The following LRRC4C variants were observed in gnomAD, a reference collection of about 807,000 sequenced individuals.
LRRC4C encodes leucine rich repeat containing 4C.
Under a neutral mutation model 33.6 loss-of-function variants are expected in LRRC4C, and 5 were observed. The ratio of observed to expected loss-of-function variants is 0.15; its 90% CI spans 0.08 to 0.31. The LOEUF is 0.31. Among genes scored for constraint, LRRC4C ranks in the 10% least tolerant of loss-of-function variants. The pLI, the probability that LRRC4C is intolerant of heterozygous loss-of-function variation, is 1.00. For synonymous variants in LRRC4C, 329 were observed against 302.0 expected (o/e 1.09, Z -0.93); for missense variants, 560 against 796.7 (o/e 0.70, Z 3.58).
At chr11:40,870,139 A>G (rs2135931470) in intron 2 of LRRC4C, among the ~76,000 whole-genome samples, 1 of 152,348 alleles carries the variant, frequency 6.6e-6, no homozygotes, top group Middle Eastern at 3.4e-3. Context: ...CCAAATAAAA[A>G]GAAAACAACA....
At chr11:40,634,459 C>A (rs913275659) in intron 3 of LRRC4C, among the ~76,000 whole-genome samples, 1 of 152,066 alleles carries the variant, frequency 6.6e-6, no homozygotes, top group African/African-American at 2.4e-5. Context: ...TGAAAAACTA[C>A]CAGAATCAAA....
intron 3 of LRRC4C, among the ~76,000 whole-genome samples, chr11:40,405,123 T>TCTCTA (rs1181478162): frequency 6.6e-6 from 1 of 151,790 alleles, no homozygotes; most frequent in Non-Finnish European, 1.5e-5. Context: ...TGTTGTATTC[T>TCTCTA]CTCTACATAT....
chr11:40,933,241 C>A (rs1476825845), intron 2 of LRRC4C, among the ~76,000 whole-genome samples: 2 of 152,168 alleles, frequency 1.3e-5, no homozygotes, highest in Admixed American at 1.3e-4. Context: ...AGAAGCAGAG[C>A]AGTTACAAGA....
In LRRC4C at chr11:40,115,413, C is replaced by T; in HGVS notation, c.880G>A (p.Glu294Lys). The T allele has an allele frequency of 1.2e-6, 2 of 1,614,192 alleles. No individual in the cohort carries two copies. The highest frequency in any genetic ancestry group is 2.2e-5 in the East Asian group (1 of 44,870). ...GGGTTGTGATGTAAATGTATCCGCT[C>T]TAGATGATGCAAGGGAGTGAAGAGG... ...HDLFTPLHHLERIHLHHNPWN... is the reference protein window; with the variant it reads ...HDLFTPLHHLKRIHLHHNPWN... The change falls in exon 7 of 7, where the codon GAG (glutamate) becomes AAG (lysine). Residue 294 changes from glutamate to lysine, a missense_variant. Glu to Lys is a moderately conservative substitution (Grantham distance 56). Transcript: ENST00000528697. This position sits in a 1 kb window ranked among gnomAD's most constrained non-coding sequence, Gnocchi z 6.7.
chr11:41,225,624 C>T (rs902171590), intron 1 of LRRC4C, among the ~76,000 whole-genome samples: 10 of 151,694 alleles, frequency 6.6e-5, no homozygotes, highest in African/African-American at 2.4e-4. Flanking sequence ...CATAGTAAGA[C>T]CCTGTCTTTA....
chr11:41,178,077 C>T (rs1017422691), intron 1 of LRRC4C, among the ~76,000 whole-genome samples: 5 of 152,102 alleles, frequency 3.3e-5, no homozygotes, highest in African/African-American at 1.2e-4. Flanking sequence ...GTCTCCCAAG[C>T]CCATTACATC....
At chr11:41,149,333 C>T (rs1019608882) in intron 1 of LRRC4C, among the ~76,000 whole-genome samples, 1 of 151,736 alleles carries the variant, frequency 6.6e-6, no homozygotes, top group Non-Finnish European at 1.5e-5. Flanking sequence ...CGGTGAAACC[C>T]CGTCTCTACT....
intron 2 of LRRC4C, among the ~76,000 whole-genome samples, chr11:40,801,688 A>G (rs1951048802): frequency 6.6e-6 from 1 of 152,174 alleles, no homozygotes. Context: ...AAAGAATTCA[A>G]TAGGTATTAT....
At chr11:40,936,014 TTATATATATATATATATATATATATATA>T (rs56879078) in intron 1 of LRRC4C, among the ~76,000 whole-genome samples, 595 of 49,316 alleles carry the variant, frequency 0.012, 36 homozygotes, top group African/African-American at 0.028. Flanking sequence ...ATGCCAAATT[TTATATATATATATATATATATATATATA>T]TATATATATA....
intron 1 of LRRC4C, among the ~76,000 whole-genome samples, chr11:40,990,537 A>G (rs1297428344): frequency 1.3e-5 from 2 of 151,964 alleles, no homozygotes; most frequent in Non-Finnish European, 1.5e-5. Context: ...CTCAATGCAT[A>G]ATTAATGGAA....
intron 5 of LRRC4C, among the ~76,000 whole-genome samples, chr11:40,224,996 C>T (rs1288814498): frequency 1.3e-5 from 2 of 152,148 alleles, no homozygotes; most frequent in African/African-American, 4.8e-5. Context: ...TAATAAGCTG[C>T]TATATAGACC....
chr11:40,775,049 C>T (rs1949927465), intron 2 of LRRC4C, among the ~76,000 whole-genome samples: 1 of 150,362 alleles, frequency 6.7e-6, no homozygotes, highest in African/African-American at 2.4e-5. Flanking sequence ...ATAAAAAATC[C>T]AGTTTCATTC....
At chr11:41,034,976 G>GTTA (rs1856976311) in intron 1 of LRRC4C, among the ~76,000 whole-genome samples, 1 of 149,626 alleles carries the variant, frequency 6.7e-6, no homozygotes, top group African/African-American at 2.4e-5. Flanking sequence ...TTGTTGTTAT[G>GTTA]TTATTTTGTT....
chr11:40,564,652 AGG>A (rs916366084), intron 3 of LRRC4C, among the ~76,000 whole-genome samples: 4 of 152,178 alleles, frequency 2.6e-5, no homozygotes, highest in African/African-American at 7.2e-5. Context: ...TCACCTACTG[AGG>A]GACTAATTGC....
intron 1 of LRRC4C, among the ~76,000 whole-genome samples, chr11:41,193,371 A>G (rs114121899): frequency 0.011 from 1,639 of 152,280 alleles, 28 homozygotes; most frequent in African/African-American, 0.036. Flanking sequence ...AGCTCATTAC[A>G]CATCATATTC....
chr11:40,177,983 G>C (rs918007595), intron 5 of LRRC4C, among the ~76,000 whole-genome samples: 1 of 152,096 alleles, frequency 6.6e-6, no homozygotes, highest in Admixed American at 6.5e-5. Context: ...AACAGTAGGA[G>C]GTGCATATGG....
At chr11:40,595,678 C>T (rs1007175743) in intron 3 of LRRC4C, among the ~76,000 whole-genome samples, 29 of 151,674 alleles carry the variant, frequency 1.9e-4, no homozygotes, top group Admixed American at 1.4e-3. Flanking sequence ...CTCTGATTTC[C>T]CTTTCCTTTC....
chr11:41,248,748 T>C (rs904442497), intron 1 of LRRC4C, among the ~76,000 whole-genome samples: 3 of 152,224 alleles, frequency 2.0e-5, no homozygotes, highest in Non-Finnish European at 4.4e-5. Flanking sequence ...AAACTACAAC[T>C]TTTAATTTGA....
At chr11:41,387,540 A>G (rs1953409165) in intron 1 of LRRC4C, among the ~76,000 whole-genome samples, 1 of 151,364 alleles carries the variant, frequency 6.6e-6, no homozygotes, top group Non-Finnish European at 1.5e-5. Context: ...AAAGATATGG[A>G]AAAAAATACA....
Sources: allele counts gnomAD v4.1 joint callset (sites outside exome capture counted in the v4.1 genomes callset), GRCh38; gene constraint gnomAD v4.1.1; non-coding constraint Gnocchi (gnomAD v3.1); transcripts MANE v1.5; gene names NCBI Gene and HGNC (gene_info 2026-07-23, HGNC 2026-07-21).